TMEM232: variants seen among roughly 807,000 people sequenced by gnomAD.
The protein encoded by TMEM232 is transmembrane protein 232.
A neutral mutation model predicts 78.8 loss-of-function variants in TMEM232; 80 were observed. The observed-to-expected ratio is 1.01, with a 90% CI of 0.85 to 1.22. The LOEUF (loss-of-function observed/expected upper bound fraction) is 1.22, where lower values mean the gene tolerates loss of function less well. Among genes scored for constraint, TMEM232 ranks in the 50% most tolerant of loss-of-function variants. The pLI, the probability that TMEM232 is intolerant of heterozygous loss-of-function variation, is 0.00. For missense variants in TMEM232, 881 were observed against 742.2 expected (o/e 1.19, Z -2.17); for synonymous variants, 297 against 254.3 (o/e 1.17, Z -1.60).
intron 10 of TMEM232, among the ~76,000 whole-genome samples, chr5:110,594,553 C>T (rs1779919471): frequency 6.6e-6 from 1 of 152,194 alleles, no homozygotes; most frequent in African/African-American, 2.4e-5. Flanking sequence ...CCAAGAACTA[C>T]TGTCTTGAAA....
At chr5:110,613,035 T>A (rs973184653) in intron 8 of TMEM232, among the ~76,000 whole-genome samples, 1 of 152,160 alleles carries the variant, frequency 6.6e-6, no homozygotes, top group East Asian at 1.9e-4. Context: ...TAAAGGCCAA[T>A]GCATGGCAGC....
At chr5:110,524,598 G>A (rs993230879) in intron 12 of TMEM232, among the ~76,000 whole-genome samples, 4 of 152,082 alleles carry the variant, frequency 2.6e-5, no homozygotes, top group African/African-American at 9.7e-5. Flanking sequence ...TCTGTGGCAC[G>A]TGAGATGAGT....
At chr5:110,476,544 G>A (rs1763274803) in intron 12 of TMEM232, among the ~76,000 whole-genome samples, 1 of 151,980 alleles carries the variant, frequency 6.6e-6, no homozygotes, top group Admixed American at 6.6e-5. Context: ...ATGTGATCCT[G>A]AAATATAGAG....
chr5:110,402,396 AT>A (rs1429123164), intron 2 of TMEM232, among the ~76,000 whole-genome samples: 1 of 152,142 alleles, frequency 6.6e-6, no homozygotes, highest in African/African-American at 2.4e-5. Context: ...ATAAATGTGT[AT>A]ATTATTAGAA....
chr5:110,531,436 C>T (rs553326854), intron 11 of TMEM232, among the ~76,000 whole-genome samples: 1 of 152,342 alleles, frequency 6.6e-6, no homozygotes, highest in Admixed American at 6.5e-5. Flanking sequence ...GGTCCTCATA[C>T]CGACCAGCCC....
chr5:110,627,852 A>G lies in TMEM232; in HGVS notation c.530T>C (p.Phe177Ser), dbSNP rs1279363780. The G allele has an allele frequency of 6.5e-7, 1 of 1,537,038 alleles. No homozygotes were observed. The highest frequency in any genetic ancestry group is 2.5e-5 in the East Asian group (1 of 40,558). The change falls in exon 6 of 14, where the codon TTT becomes TCT. Residue 177 changes from phenylalanine to serine, a missense_variant. Phe to Ser is a radical substitution (Grantham distance 155). Transcript: ENST00000455884. ...KIGYLVFLRL[F>S]IFFLHGHLES... ...TAGATGACCATGCAGGAAAAATATA[A>G]AAAGTCGTAAGAAGACCAAATAGCC... is the stretch of plus-strand genomic sequence containing the variant.
chr5:110,674,532 T>C (rs563251456), intron 1 of TMEM232, among the ~76,000 whole-genome samples: 10 of 152,218 alleles, frequency 6.6e-5, no homozygotes, highest in African/African-American at 2.4e-5. Context: ...GCAATAAACA[T>C]CACCTTTTAA....
chr5:110,568,706 A>G (rs2149684833), intron 10 of TMEM232, 81 bp from the exon 11 acceptor site: 1 of 1,301,590 alleles, frequency 7.7e-7, no homozygotes, highest in East Asian at 2.7e-5. Flanking sequence ...AGAATAAACC[A>G]ATTTTACTAT....
intron 10 of TMEM232, among the ~76,000 whole-genome samples, 196 bp downstream of exon 10, chr5:110,604,913 G>A (rs979859951): frequency 1.3e-4 from 20 of 152,076 alleles, no homozygotes; most frequent in African/African-American, 4.6e-4. Flanking sequence ...CAGGGATCAC[G>A]CCACTGCACC....
intron 12 of TMEM232, among the ~76,000 whole-genome samples, chr5:110,504,669 T>C (rs576303679): frequency 6.2e-4 from 94 of 152,332 alleles, no homozygotes; most frequent in Admixed American, 6.1e-3. Context: ...ATGTCCCAGC[T>C]TACCCAGTCA....
At chr5:110,720,856 T>C (rs1797517819) in intron 1 of TMEM232, 1 of 152,132 alleles carries the variant, frequency 6.6e-6, no homozygotes, top group African/African-American at 2.4e-5. Flanking sequence ...CTGTCATTTA[T>C]AAAAGTCTTT....
intron 2 of TMEM232, among the ~76,000 whole-genome samples, chr5:110,648,673 TA>T (rs1363599239): frequency 6.6e-6 from 1 of 151,882 alleles, no homozygotes; most frequent in Non-Finnish European, 1.5e-5. Flanking sequence ...CCGCTTATGG[TA>T]AAACAAACAA....
At chr5:110,624,772 T>C (rs1265518019) in intron 7 of TMEM232, among the ~76,000 whole-genome samples, 1 of 152,178 alleles carries the variant, frequency 6.6e-6, no homozygotes, top group South Asian at 2.1e-4. Flanking sequence ...AAAGGGCTTA[T>C]AGGAAGCATG....
intron 1 of TMEM232, among the ~76,000 whole-genome samples, chr5:110,704,529 A>T (rs1471887720): frequency 1.3e-5 from 2 of 152,082 alleles, no homozygotes; most frequent in Non-Finnish European, 2.9e-5. Flanking sequence ...TATTTTTGTT[A>T]TGATGACTGA....
intron 12 of TMEM232, among the ~76,000 whole-genome samples, chr5:110,476,793 T>C (rs1475899327): frequency 2.0e-5 from 3 of 152,044 alleles, no homozygotes; most frequent in Non-Finnish European, 4.4e-5. Context: ...GAGGAATGTG[T>C]GTGCTTGATT....
chr5:110,520,050 T>TATATATAGAG (rs374219408), intron 12 of TMEM232, among the ~76,000 whole-genome samples: 1,600 of 147,208 alleles, frequency 0.011, 48 homozygotes, highest in African/African-American at 0.038. Flanking sequence ...TATATATATA[T>TATATATAGAG]AGAGAGAGAG....
At chr5:110,468,621 A>ATAAG (rs1490988910) in intron 12 of TMEM232, among the ~76,000 whole-genome samples, 1 of 152,174 alleles carries the variant, frequency 6.6e-6, no homozygotes, top group Non-Finnish European at 1.5e-5. Context: ...TCATGATTAT[A>ATAAG]TAAGTATAAC....
At chr5:110,423,508 T>C (rs1454558615) in intron 13 of TMEM232, among the ~76,000 whole-genome samples, 1 of 152,162 alleles carries the variant, frequency 6.6e-6, no homozygotes, top group Non-Finnish European at 1.5e-5. Flanking sequence ...CCAAAATCAG[T>C]ACTATGAATT....
chr5:110,563,397 T>C (rs924574439), intron 11 of TMEM232, among the ~76,000 whole-genome samples: 13 of 152,018 alleles, frequency 8.6e-5, no homozygotes, highest in African/African-American at 3.1e-4. Flanking sequence ...AGAATTATAA[T>C]TATAGAAATG....
Sources: gnomAD v4.1 joint callset for allele counts (sites outside exome capture counted in the v4.1 genomes callset) on GRCh38, gnomAD v4.1.1 for gene constraint, MANE v1.5 for transcripts, NCBI Gene and HGNC (gene_info 2026-07-23, HGNC 2026-07-21) for gene names.